The following PTPRA variants were observed in gnomAD, a reference collection of about 807,000 sequenced individuals.
PTPRA encodes the protein receptor-type tyrosine-protein phosphatase alpha.
In PTPRA, 25 loss-of-function variants were observed where a neutral mutation model predicts 104.8. The observed-to-expected ratio is 0.24, with a 90% CI of 0.17 to 0.33. PTPRA has a LOEUF of 0.33. Among genes scored for constraint, PTPRA ranks in the 10% least tolerant of loss-of-function variants. PTPRA has a pLI of 1.00. For missense variants in PTPRA, 765 were observed against 1,015.3 expected, an observed-to-expected ratio of 0.75 and a Z score of 3.35; for synonymous variants, 323 against 368.9, an observed-to-expected ratio of 0.88 and a Z score of 1.43.
intron 1 of PTPRA, among the ~76,000 whole-genome samples, chr20:2,886,732 T>C (rs2090409110): frequency 6.7e-6 from 1 of 150,274 alleles, no homozygotes; most frequent in Non-Finnish European, 1.5e-5. Flanking sequence ...GGTGCATACC[T>C]GTAATCCCAG....
intron 1 of PTPRA, among the ~76,000 whole-genome samples, chr20:2,885,924 C>T (rs769761638): frequency 1.6e-4 from 25 of 152,072 alleles, no homozygotes; most frequent in Non-Finnish European, 3.1e-4. Context: ...ATTAGCTGGG[C>T]GTGGTGGCAC....
rs551278394 is a variant in PTPRA, at chr20:3,037,724, G to A, written c.2335-335G>A. On this transcript the variant is annotated intron_variant, in intron 23 of 23. Coordinates refer to ENST00000399903, the MANE Select transcript of PTPRA (RefSeq NM_001385305.1). This position sits in a 1 kb window ranked among gnomAD's most constrained non-coding sequence, Gnocchi z 4.3. ...GAATGTTAGGAGGTTTGGGAGACGA[G>A]GTTCTGAGAGCCAGGGTGCATGCTA... Among the ~76,000 whole-genome samples, 9 of 152,350 alleles carry A rather than the reference G, an allele frequency of 5.9e-5. No homozygotes were observed. Among genetic ancestry groups the A allele is most frequent in the African/African-American group, 2.2e-4 (9 of 41,578 alleles).
upstream of PTPRA, among the ~76,000 whole-genome samples, chr20:2,869,402 G>A (rs1405296391): frequency 3.9e-5 from 6 of 151,908 alleles, no homozygotes; most frequent in Non-Finnish European, 7.4e-5. Context: ...TCTAAGTTTT[G>A]ACAGATGTAT....
At chr20:2,865,892 G>A in the PTPRA span, 4 of 473,806 alleles carry the variant, frequency 8.4e-6, no homozygotes, top group African/African-American at 2.0e-5. The surrounding 1 kb of genome is among the most constrained non-coding windows in gnomAD (Gnocchi z 5.2). Context: ...GTTTGAGAAT[G>A]TCAATCACAA....
chr20:2,866,747 C>T, the PTPRA span: 1 of 986,500 alleles, frequency 1.0e-6, no homozygotes, highest in Non-Finnish European at 1.5e-6. Flanking sequence ...GCTTGTCTTA[C>T]ACAGTCCAGC....
chr20:2,980,440 G>C (rs1022709491), intron 6 of PTPRA, among the ~76,000 whole-genome samples: 2 of 151,868 alleles, frequency 1.3e-5, no homozygotes, highest in Admixed American at 1.3e-4. Context: ...TGCAGTTCCA[G>C]CTACTAGGGA....
chr20:2,949,990 T>C (rs1186598959), intron 3 of PTPRA, among the ~76,000 whole-genome samples: 2 of 152,172 alleles, frequency 1.3e-5, no homozygotes, highest in African/African-American at 2.4e-5. Flanking sequence ...TTTGTTATGA[T>C]TTTTGAATAT....
At chr20:2,938,870 T>C (rs1199715901) in intron 2 of PTPRA, among the ~76,000 whole-genome samples, 1 of 152,218 alleles carries the variant, frequency 6.6e-6, no homozygotes, top group East Asian at 1.9e-4. Context: ...CCAAAATCTA[T>C]ATTATCTTGG....
At chr20:2,997,158 TG>T (rs1220754804) in intron 9 of PTPRA, among the ~76,000 whole-genome samples, 1 of 152,168 alleles carries the variant, frequency 6.6e-6, no homozygotes, top group Non-Finnish European at 1.5e-5. Context: ...ATTTCATTTT[TG>T]TTTTCAAAAA....
intron 3 of PTPRA, among the ~76,000 whole-genome samples, chr20:2,956,150 G>A (rs1568668674): frequency 6.6e-6 from 1 of 152,294 alleles, no homozygotes; most frequent in Admixed American, 6.5e-5. Context: ...TTATTGGCTA[G>A]ATTACTTCAG....
intron 1 of PTPRA, among the ~76,000 whole-genome samples, chr20:2,896,607 A>T (rs764732393): frequency 5.9e-5 from 9 of 152,218 alleles, no homozygotes; most frequent in Non-Finnish European, 1.3e-4. Flanking sequence ...ATGCTGTATT[A>T]CCCATAAATC....
chr20:2,959,945 C>T (rs754878146), intron 3 of PTPRA, among the ~76,000 whole-genome samples: 3 of 151,728 alleles, frequency 2.0e-5, no homozygotes, highest in African/African-American at 4.9e-5. Flanking sequence ...AGTGAGACTC[C>T]GTCCTAAAAA....
chr20:2,975,235 A>C lies in PTPRA; in HGVS notation c.436A>C (p.Arg146=), dbSNP rs1218291640. 1.9e-6 allele frequency: 3 copies of C among 1,597,078 alleles called. No homozygotes were observed. Among genetic ancestry groups the C allele is most frequent in the Non-Finnish European group, 8.6e-7 (1 of 1,166,116 alleles). Residue 146 remains arginine (R), a synonymous_variant, in exon 6 of 24, where the codon AGA becomes CGA. Transcript: ENST00000399903. ...CACAGGTAATTCTGACTCGAAGGAC[A>C]GAAGAGGTGAGCTGCTCACCTTATA... is the stretch of plus-strand genomic sequence containing the variant. ...PPSGNSDSKD[R]RDETPIIAVM...
At chr20:3,008,445 G>A (rs935551803) in intron 11 of PTPRA, among the ~76,000 whole-genome samples, 5 of 152,142 alleles carry the variant, frequency 3.3e-5, no homozygotes, top group Non-Finnish European at 5.9e-5. Flanking sequence ...AATTCACAGG[G>A]ACAGAAAGTA....
At chr20:2,944,613 A>T (rs559875358) in intron 2 of PTPRA, among the ~76,000 whole-genome samples, 1 of 152,332 alleles carries the variant, frequency 6.6e-6, no homozygotes, top group African/African-American at 2.4e-5. Context: ...TCACAGGGCC[A>T]ACTCAAATTA....
At chr20:2,903,152 C>A (rs928798225) in intron 1 of PTPRA, among the ~76,000 whole-genome samples, 1 of 152,138 alleles carries the variant, frequency 6.6e-6, no homozygotes, top group African/African-American at 2.4e-5. Flanking sequence ...ATTTGGATTT[C>A]GGATTTTTGG....
chr20:2,942,000 T>G (rs903745709), intron 2 of PTPRA, among the ~76,000 whole-genome samples: 2 of 152,202 alleles, frequency 1.3e-5, no homozygotes, highest in Non-Finnish European at 2.9e-5. Flanking sequence ...TACTAGACTG[T>G]AAGCTTCATG....
At chr20:2,865,010 AG>A in the PTPRA span, 1 of 1,614,146 alleles carries the variant, frequency 6.2e-7, no homozygotes, top group Admixed American at 1.7e-5. This position sits in a 1 kb window ranked among gnomAD's most constrained non-coding sequence, Gnocchi z 5.2. Flanking sequence ...CTCTGCAGAC[AG>A]CCGCCGATGC....
At chr20:2,869,757 G>A (rs1313644456), upstream of PTPRA, among the ~76,000 whole-genome samples, 6 of 152,322 alleles carry the variant, frequency 3.9e-5, no homozygotes, top group East Asian at 1.2e-3. Context: ...CCTGGGGTCA[G>A]GAGTTTGAGA....
Sources: gnomAD v4.1 joint callset for allele counts (sites outside exome capture counted in the v4.1 genomes callset) on GRCh38, gnomAD v4.1.1 for gene constraint, Gnocchi (gnomAD v3.1) non-coding constraint, MANE v1.5 for transcripts, NCBI Gene and HGNC (gene_info 2026-07-23, HGNC 2026-07-21) for gene names.